ANK3: variants seen among roughly 807,000 people sequenced by gnomAD.
The protein encoded by ANK3 is ankyrin 3, also known as ankyrin-3.
A neutral mutation model predicts 370.9 loss-of-function variants in ANK3; 57 were observed. That is an observed-to-expected ratio of 0.15 (90% confidence interval 0.12 to 0.19). The LOEUF (loss-of-function observed/expected upper bound fraction) is 0.19. Among genes scored for constraint, ANK3 ranks in the 10% least tolerant of loss-of-function variants. The pLI is 1.00. For synonymous variants in ANK3, 1,929 were observed against 1,946.3 expected (o/e 0.99, Z 0.23); for missense variants, 4,439 against 5,302.1 (o/e 0.84, Z 5.06).
Position 60,395,550 on chromosome 10 carries a change from C to CTCTTTCTTTCTTTCTT in ANK3, c.97-115927_97-115912dup, listed in dbSNP as rs58204421. 2.1e-3 allele frequency among the ~76,000 whole-genome samples: 232 copies of CTCTTTCTTTCTTTCTT among 108,328 alleles called. 2 individuals are homozygous for CTCTTTCTTTCTTTCTT. Among genetic ancestry groups the CTCTTTCTTTCTTTCTT allele is most frequent in the East Asian group, 5.9e-3 (18 of 3,056 alleles). The allele number at this position is 108,328 out of a possible 152,430, so 71.1% of individuals were successfully genotyped here. A position where few individuals can be genotyped will look rare whatever the true frequency, so the allele number is the denominator to read the frequency against. ...AACACTTAGCAATCAACTACTATGCCTCTTTCTTTCTTTCTTTCTTTCTTT... is the reference window on the plus strand; with the variant it reads ...AACACTTAGCAATCAACTACTATGCCTCTTTCTTTCTTTCTTTCTTTCTTTCTTTCTTTCTTTCTTT... On this transcript the variant is annotated intron_variant, in intron 2 of 43. Coordinates refer to the ANK3 transcript ENST00000373827.
chr10:60,213,258 C>T (rs371950713), intron 9 of ANK3, among the ~76,000 whole-genome samples, 154 bp downstream of exon 9: 2 of 152,034 alleles, frequency 1.3e-5, no homozygotes, highest in African/African-American at 2.4e-5. Context: ...CTTAATTAGC[C>T]CAAACTTATT....
At chr10:60,651,166 C>A (rs931698487) in intron 1 of ANK3, among the ~76,000 whole-genome samples, 1 of 152,286 alleles carries the variant, frequency 6.6e-6, no homozygotes, top group Middle Eastern at 3.4e-3. Flanking sequence ...CACACGCACA[C>A]AATGTACCTG....
chr10:60,166,541 G>A (rs1280006806), intron 23 of ANK3, 50 bp downstream of exon 23: 2 of 1,346,868 alleles, frequency 1.5e-6, no homozygotes, highest in African/African-American at 2.9e-5. Flanking sequence ...AGAAATGAAA[G>A]ATAAAGTTGG....
At chr10:60,186,649 T>C in intron 17 of ANK3, 66 bp downstream of exon 17, 1 of 1,477,584 alleles carries the variant, frequency 6.8e-7, no homozygotes, top group South Asian at 1.2e-5. Flanking sequence ...TGTGAATTCT[T>C]AGTGACCTTT....
intron 43 of ANK3, among the ~76,000 whole-genome samples, chr10:60,039,188 T>C (rs1204260604): frequency 1.3e-5 from 2 of 152,174 alleles, no homozygotes. Flanking sequence ...AAGAAATAAA[T>C]GAAATGGGTT....
intron 23 of ANK3, among the ~76,000 whole-genome samples, chr10:60,154,778 G>A (rs2095275169): frequency 6.6e-6 from 1 of 152,224 alleles, no homozygotes; most frequent in East Asian, 1.9e-4. Flanking sequence ...CTGGGCAACA[G>A]AGTGAGACTG....
chr10:60,498,157 G>T (rs7915051), intron 2 of ANK3, among the ~76,000 whole-genome samples: 57,361 of 151,676 alleles, frequency 0.38, 11,136 homozygotes, highest in Middle Eastern at 0.42. Flanking sequence ...TGAATCACTG[G>T]GTATATTCAA....
intron 43 of ANK3, among the ~76,000 whole-genome samples, chr10:60,037,825 G>A (rs550331889): frequency 7.2e-5 from 11 of 152,270 alleles, no homozygotes; most frequent in Admixed American, 5.2e-4. Flanking sequence ...TGGGATTGCT[G>A]GGTTGAACGG....
At chr10:60,626,009 T>C (rs1033542644) in intron 1 of ANK3, among the ~76,000 whole-genome samples, 4 of 151,696 alleles carry the variant, frequency 2.6e-5, no homozygotes, top group African/African-American at 9.8e-5. Flanking sequence ...TATTTCTTTA[T>C]TGAACAAGAA....
intron 7 of ANK3, among the ~76,000 whole-genome samples, chr10:60,242,062 A>T (rs2097469528): frequency 6.6e-6 from 1 of 152,154 alleles, no homozygotes; most frequent in African/African-American, 2.4e-5. Flanking sequence ...TACCATTTCT[A>T]GCCCTTTTTT....
At chr10:60,206,181 A>G (rs1014593429) in intron 10 of ANK3, among the ~76,000 whole-genome samples, 3 of 152,288 alleles carry the variant, frequency 2.0e-5, no homozygotes, top group African/African-American at 4.8e-5. Flanking sequence ...ACTCTTCCAA[A>G]TATGTCTCAG....
At chr10:60,187,029 T>A (rs2096356346) in intron 16 of ANK3, 117 bp from the exon 17 acceptor site, 1 of 1,007,652 alleles carries the variant, frequency 9.9e-7, no homozygotes, top group Non-Finnish European at 1.5e-6. Context: ...TAAGAAATCA[T>A]GATTAAGTAA....
chr10:60,623,509 T>A (rs1395944192), intron 1 of ANK3, among the ~76,000 whole-genome samples: 1 of 152,058 alleles, frequency 6.6e-6, no homozygotes. Context: ...CTTTGACATT[T>A]TGTTAGTTTA....
intron 2 of ANK3, among the ~76,000 whole-genome samples, chr10:60,600,163 G>A (rs2078040962): frequency 6.6e-6 from 1 of 152,130 alleles, no homozygotes; most frequent in Non-Finnish European, 1.5e-5. Flanking sequence ...AGTCTTAGTT[G>A]TTCCAAGTGC....
chr10:60,148,819 A>G (rs1278999237), intron 23 of ANK3, among the ~76,000 whole-genome samples: 1 of 152,218 alleles, frequency 6.6e-6, no homozygotes, highest in Non-Finnish European at 1.5e-5. Flanking sequence ...GTTGGTTCTC[A>G]CTTGCAGAGA....
chr10:60,375,030 C>T (rs190859291), intron 1 of ANK3, among the ~76,000 whole-genome samples: 4 of 151,960 alleles, frequency 2.6e-5, no homozygotes, highest in South Asian at 4.1e-4. Flanking sequence ...GAAGAAGTGA[C>T]GTATATACAC....
At chr10:60,550,761 A>G (rs2077071211) in intron 2 of ANK3, among the ~76,000 whole-genome samples, 1 of 152,106 alleles carries the variant, frequency 6.6e-6, no homozygotes, top group South Asian at 2.1e-4. Context: ...TGGAGAAGTC[A>G]TTGCTATAAT....
intron 2 of ANK3, among the ~76,000 whole-genome samples, chr10:60,585,116 A>G (rs1291547620): frequency 6.6e-6 from 1 of 152,188 alleles, no homozygotes; most frequent in Non-Finnish European, 1.5e-5. Flanking sequence ...TGAAATTAGT[A>G]CCTTCAAGCG....
chr10:60,711,256 A>G (rs1026928408), intron 1 of ANK3, among the ~76,000 whole-genome samples: 6 of 152,170 alleles, frequency 3.9e-5, no homozygotes, highest in Non-Finnish European at 7.3e-5. Flanking sequence ...GAGGGGATGG[A>G]TATCCCATTC....
Sources: gnomAD v4.1 joint callset for allele counts (sites outside exome capture counted in the v4.1 genomes callset) on GRCh38, gnomAD v4.1.1 for gene constraint, MANE v1.5 for transcripts, NCBI Gene and HGNC (gene_info 2026-07-23, HGNC 2026-07-21) for gene names.